The following FAM222B variants were observed in gnomAD, a reference collection of about 807,000 sequenced individuals.
FAM222B encodes the protein protein FAM222B.
A neutral mutation model predicts 38.0 loss-of-function variants in FAM222B; 12 were observed. The ratio of observed to expected loss-of-function variants is 0.32; its 90% confidence interval spans 0.20 to 0.51. The LOEUF is 0.51. FAM222B is among the 20% of genes least tolerant of loss of function. The pLI, the probability that FAM222B is intolerant of heterozygous loss-of-function variation, is 0.97. For synonymous variants in FAM222B, 329 were observed against 317.2 expected (o/e 1.04, Z -0.40); for missense variants, 716 against 754.2 (o/e 0.95, Z 0.59).
intron 1 of FAM222B, among the ~76,000 whole-genome samples, chr17:28,816,842 G>A (rs577918092): frequency 6.6e-6 from 1 of 152,128 alleles, no homozygotes; most frequent in African/African-American, 2.4e-5. Context: ...TTTTTTTAAG[G>A]GAATTCCTGG....
chr17:28,828,574 A>C (rs75684189), intron 1 of FAM222B, among the ~76,000 whole-genome samples: 20 of 151,888 alleles, frequency 1.3e-4, no homozygotes, highest in Non-Finnish European at 2.2e-4. Context: ...TCACGAAAAA[A>C]AAAAAACAAA....
intron 1 of FAM222B, among the ~76,000 whole-genome samples, chr17:28,817,756 A>ATCTC (rs2038075876): frequency 6.6e-6 from 1 of 152,164 alleles, no homozygotes; most frequent in Non-Finnish European, 1.5e-5. Flanking sequence ...ACAACAGAGA[A>ATCTC]TGCAGAGTAG....
At chr17:28,821,895 G>A (rs188069851) in intron 1 of FAM222B, among the ~76,000 whole-genome samples, 21 of 152,194 alleles carry the variant, frequency 1.4e-4, no homozygotes, top group Admixed American at 5.2e-4. Context: ...CTGGGGCTGG[G>A]CAGAGGTTGC....
In FAM222B at chr17:28,756,331, G is replaced by C. The variant is rs1182890214; in HGVS notation, c.*1939C>G. 1 of 152,560 alleles carries C rather than the reference G, an allele frequency of 6.6e-6. No individual in the cohort carries two copies. The highest frequency in any genetic ancestry group is 1.5e-5 in the Non-Finnish European group (1 of 68,056). 9.5% of individuals were successfully genotyped at this position (152,560 alleles called of 1,614,324 possible). Reference sequence around the variant, plus strand: ...GTGGGAGTGAGAGCTTCAGAGGCTTGCACCCCTACACAGGAAGAGATGGGT... The same window carrying C: ...GTGGGAGTGAGAGCTTCAGAGGCTTCCACCCCTACACAGGAAGAGATGGGT... On this transcript the variant is annotated 3_prime_UTR_variant, in exon 3 of 3. Transcript: ENST00000581407.
chr17:28,801,064 G>A (rs1384654506), intron 1 of FAM222B, among the ~76,000 whole-genome samples: 6 of 151,908 alleles, frequency 3.9e-5, no homozygotes. Flanking sequence ...GGCTGAGGCA[G>A]GAGAATTGCT....
At chr17:28,832,636 T>C (rs2038705411) in intron 1 of FAM222B, among the ~76,000 whole-genome samples, 1 of 152,202 alleles carries the variant, frequency 6.6e-6, no homozygotes, top group Non-Finnish European at 1.5e-5. Flanking sequence ...TCATCACTCT[T>C]AACTCTATAA....
upstream of FAM222B, among the ~76,000 whole-genome samples, chr17:28,843,793 G>A (rs1270613970): frequency 1.3e-5 from 2 of 152,128 alleles, no homozygotes; most frequent in South Asian, 2.1e-4. Context: ...ATGTATCGGG[G>A]GTAATTATGT....
intron 1 of FAM222B, among the ~76,000 whole-genome samples, chr17:28,771,431 C>A (rs917251821): frequency 1.3e-5 from 2 of 152,100 alleles, no homozygotes; most frequent in Admixed American, 6.6e-5. Context: ...CCTGTAATCC[C>A]AGCACTTTGG....
chr17:28,794,222 CT>C (rs35751655), intron 1 of FAM222B, among the ~76,000 whole-genome samples: 27,677 of 142,018 alleles, frequency 0.19, 2,494 homozygotes, highest in South Asian at 0.3. Context: ...TTGTCTTTTG[CT>C]TTTTTTTTTT....
At chr17:28,853,211 A>G (rs1233947251) in intron 1 of FAM222B, among the ~76,000 whole-genome samples, 1 of 148,816 alleles carries the variant, frequency 6.7e-6, no homozygotes, top group African/African-American at 2.5e-5. Context: ...AAAAAAAAAA[A>G]GAATTACTAG....
chr17:28,846,020 G>A (rs370063369), upstream of FAM222B, among the ~76,000 whole-genome samples: 4 of 151,042 alleles, frequency 2.6e-5, no homozygotes, highest in South Asian at 4.2e-4. Flanking sequence ...TGGCTAACAC[G>A]GTGAAACCCC....
chr17:28,783,511 G>A (rs1274502574), intron 1 of FAM222B, among the ~76,000 whole-genome samples: 1 of 101,108 alleles, frequency 9.9e-6, no homozygotes, highest in Non-Finnish European at 2.3e-5. Context: ...CTACCTTCAT[G>A]AGATTTTTTT....
At chr17:28,802,176 C>A (rs1220712913) in intron 1 of FAM222B, among the ~76,000 whole-genome samples, 2 of 151,596 alleles carry the variant, frequency 1.3e-5, no homozygotes, top group East Asian at 3.9e-4. Flanking sequence ...CGGCTTACTG[C>A]AACCTCTGCC....
chr17:28,792,944 G>A (rs2036771783), intron 1 of FAM222B, among the ~76,000 whole-genome samples: 2 of 151,360 alleles, frequency 1.3e-5, no homozygotes, highest in African/African-American at 4.9e-5. Context: ...TTAAGATAGG[G>A]TCTCACTCTG....
At chr17:28,822,844 T>TATATATATATATATATATACACAC (rs2038305222) in intron 1 of FAM222B, among the ~76,000 whole-genome samples, 1 of 93,682 alleles carries the variant, frequency 1.1e-5, no homozygotes, top group Admixed American at 1.4e-4. Flanking sequence ...TATATATATA[T>TATATATATATATATATATACACAC]ATATATATAT....
At chr17:28,789,079 CAAAAAAA>C (rs397857027) in intron 1 of FAM222B, among the ~76,000 whole-genome samples, 6 of 63,466 alleles carry the variant, frequency 9.5e-5, no homozygotes, top group African/African-American at 1.3e-4. Context: ...AAAGATACCT[CAAAAAAA>C]AAAAAAAAAA....
intron 1 of FAM222B, among the ~76,000 whole-genome samples, chr17:28,792,489 GAAAC>G (rs2036745693): frequency 6.6e-6 from 1 of 150,982 alleles, no homozygotes; most frequent in Non-Finnish European, 1.5e-5. Context: ...CAAGAAAGAA[GAAAC>G]AAACAAGTTG....
At chr17:28,829,450 G>C (rs1475495863) in intron 1 of FAM222B, among the ~76,000 whole-genome samples, 2 of 152,138 alleles carry the variant, frequency 1.3e-5, no homozygotes, top group African/African-American at 4.8e-5. Flanking sequence ...GGGATTACAG[G>C]CATAAACCAC....
intron 1 of FAM222B, among the ~76,000 whole-genome samples, chr17:28,769,688 GC>G (rs1445704040): frequency 6.6e-6 from 1 of 152,172 alleles, no homozygotes; most frequent in Non-Finnish European, 1.5e-5. Context: ...GGACCCCAAG[GC>G]CCTCCATGAT....
Sources: allele counts gnomAD v4.1 joint callset (sites outside exome capture counted in the v4.1 genomes callset), GRCh38; gene constraint gnomAD v4.1.1; transcripts MANE v1.5; gene names NCBI Gene and HGNC (gene_info 2026-07-23, HGNC 2026-07-21).